The following DHRS12 variants were observed in gnomAD, a reference collection of about 807,000 sequenced individuals.
DHRS12 encodes dehydrogenase/reductase 12, also known as dehydrogenase/reductase SDR family member 12.
In DHRS12, 29 loss-of-function variants were observed where a neutral mutation model predicts 32.1. The ratio of observed to expected loss-of-function variants is 0.90; its 90% confidence interval spans 0.67 to 1.23. The LOEUF (loss-of-function observed/expected upper bound fraction) is 1.23, where lower values mean the gene tolerates loss of function less well. Ranked by LOEUF, DHRS12 falls within the 50% of genes most tolerant of loss-of-function variation. The pLI, the probability that DHRS12 is intolerant of heterozygous loss-of-function variation, is 0.00. For synonymous variants in DHRS12, 150 were observed against 135.9 expected (o/e 1.10, Z -0.72); for missense variants, 330 against 337.2 (o/e 0.98, Z 0.17).
At chr13:51,777,394 G>A (rs188990405) in intron 4 of DHRS12, 8 of 462,410 alleles carry the variant, frequency 1.7e-5, no homozygotes, top group Admixed American at 3.7e-5. Flanking sequence ...CTGCCAAACC[G>A]TAGATGGGTC....
At position 51,794,147 on chromosome 13, in the gene DHRS12, C is replaced by G. The variant is rs1050090885; in HGVS notation, c.127-2890G>C. Among the ~76,000 whole-genome samples the G allele has an allele frequency of 1.7e-4, 26 of 152,290 alleles. 1 individual carries two copies. The highest frequency in any genetic ancestry group is 1.6e-3 in the Admixed American group (25 of 15,302). On this transcript the variant is annotated intron_variant, in intron 2 of 8. Transcript: ENST00000444610. The stretch of plus-strand genomic sequence containing the variant: ...AAACAGGTGCATGTGTGTAAAAGTC[C>G]CAATCTGCGGAGCCACACAATGAGA...
At chr13:51,758,621 C>T in the DHRS12 span, among the ~76,000 whole-genome samples, 3 of 150,416 alleles carry the variant, frequency 2.0e-5, no homozygotes, top group Admixed American at 6.6e-5. Context: ...AAACCTGATA[C>T]ATGCACAGCC....
chr13:51,793,386 A>G (rs1031194970), intron 2 of DHRS12, among the ~76,000 whole-genome samples: 2 of 152,234 alleles, frequency 1.3e-5, no homozygotes, highest in Non-Finnish European at 2.9e-5. Context: ...AAAGCAGAGA[A>G]GTTCCGTGCC....
At chr13:51,770,671 C>T in intron 7 of DHRS12, 1 of 815,920 alleles carries the variant, frequency 1.2e-6, no homozygotes, top group Non-Finnish European at 1.5e-6. Context: ...GGACTAATTT[C>T]TGCCAAATCT....
At chr13:51,801,192 A>G (rs1006939244) in intron 1 of DHRS12, among the ~76,000 whole-genome samples, 1 of 152,122 alleles carries the variant, frequency 6.6e-6, no homozygotes, top group Non-Finnish European at 1.5e-5. Flanking sequence ...AGCAGCTGAC[A>G]TTATTATTTT....
At chr13:51,790,382 A>G (rs1214502489) in intron 3 of DHRS12, among the ~76,000 whole-genome samples, 1 of 152,208 alleles carries the variant, frequency 6.6e-6, no homozygotes, top group East Asian at 1.9e-4. Flanking sequence ...GTCCAATAGA[A>G]ATATCTAATC....
At chr13:51,774,131 G>T in intron 5 of DHRS12, 97 bp from the exon 6 acceptor site, 1 of 1,099,432 alleles carries the variant, frequency 9.1e-7, no homozygotes, top group African/African-American at 1.6e-5. Flanking sequence ...TGTGACCAAT[G>T]ACCACAAAAT....
At chr13:51,784,068 A>G (rs117179472) in intron 4 of DHRS12, among the ~76,000 whole-genome samples, 5,512 of 152,236 alleles carry the variant, frequency 0.036, 151 homozygotes, top group Middle Eastern at 0.054. Context: ...ACAGAATGGG[A>G]AAGTAAGGCG....
chr13:51,791,119 A>G, intron 3 of DHRS12, 46 bp downstream of exon 3: 5 of 1,362,328 alleles, frequency 3.7e-6, no homozygotes, highest in Non-Finnish European at 5.1e-6. Flanking sequence ...GACGGAAACA[A>G]TGGGCCAACA....
At chr13:51,769,553 A>G in intron 7 of DHRS12, among the ~76,000 whole-genome samples, 1 of 152,142 alleles carries the variant, frequency 6.6e-6, no homozygotes, top group Non-Finnish European at 1.5e-5. Context: ...ACCAGCACCC[A>G]GCCCAGCCCT....
chr13:51,774,304 CTACAG>C lies in DHRS12; in HGVS notation c.364-275_364-271del, dbSNP rs1412173080. The C allele has an allele frequency of 6.6e-5, 7 of 105,932 alleles. No homozygotes were observed. In the South Asian group the frequency reaches 1.5e-3, roughly 23 times the overall value. 6.6% of individuals were successfully genotyped at this position (105,932 alleles called of 1,614,324 possible). A position where few individuals can be genotyped will look rare whatever the true frequency, so the allele number is the denominator to read the frequency against. On this transcript the variant is annotated intron_variant, in intron 5 of 8. Transcript: ENST00000444610. ...ACAGTATTCTCCTACATGTATTCTCCTACAGTATTCTCCTACATGTATTCTCCTAC... is the reference window on the plus strand; with the variant it reads ...ACAGTATTCTCCTACATGTATTCTCCTATTCTCCTACATGTATTCTCCTAC...
chr13:51,770,311 G>A (rs1210096985), intron 7 of DHRS12, among the ~76,000 whole-genome samples: 1 of 152,206 alleles, frequency 6.6e-6, no homozygotes, highest in Non-Finnish European at 1.5e-5. Context: ...GCCACAGACA[G>A]GTTGTGTGCA....
At chr13:51,772,893 G>T in intron 6 of DHRS12, 1 of 985,470 alleles carries the variant, frequency 1.0e-6, no homozygotes, top group South Asian at 4.7e-5. Context: ...GGGTCAAGGA[G>T]CAAAACTGGG....
chr13:51,755,274 G>C, the DHRS12 span: 1 of 1,253,324 alleles, frequency 8.0e-7, no homozygotes, highest in Non-Finnish European at 1.2e-6. Flanking sequence ...CATCCTGATA[G>C]CTCCATAAGT....
downstream of DHRS12, chr13:51,764,801 A>AGAC: frequency 6.6e-6 from 1 of 152,420 alleles, no homozygotes; most frequent in Middle Eastern, 3.4e-3. Flanking sequence ...GAGGAGGTGG[A>AGAC]GACTATCAGT....
chr13:51,777,212 AC>A, intron 4 of DHRS12, 91 bp from the exon 5 acceptor site: 1 of 1,468,774 alleles, frequency 6.8e-7, no homozygotes, highest in Non-Finnish European at 9.5e-7. Flanking sequence ...GTCTGCCCGC[AC>A]CCGCCCCCCA....
chr13:51,771,577 G>C (rs1328449499), intron 7 of DHRS12: 2 of 1,564,614 alleles, frequency 1.3e-6, no homozygotes, highest in Admixed American at 1.8e-5. Context: ...AGGCGCACCT[G>C]CTCCCGTTCC....
At chr13:51,771,256 AGAG>A (rs781463237) in intron 7 of DHRS12, 1 of 1,552,184 alleles carries the variant, frequency 6.4e-7, no homozygotes, top group East Asian at 2.4e-5. Context: ...CCTTGTTTGT[AGAG>A]GAGGAAAGAG....
rs1408215560 is a variant in DHRS12, at chr13:51,782,172, G to A, written c.302-5051C>T. Among the ~76,000 whole-genome samples, 1 of 152,168 alleles carries A rather than the reference G, an allele frequency of 6.6e-6. No individual in the cohort carries two copies. The highest frequency in any genetic ancestry group is 2.4e-5 in the African/African-American group (1 of 41,442). The stretch of plus-strand genomic sequence containing the variant: ...AAGGCTTCAGTTTTGGACATGCTGA[G>A]TCTGAGGTGTTTGAGATCTGGACCT... On this transcript the variant is annotated intron_variant, in intron 4 of 8. Coordinates refer to ENST00000444610, the MANE Select transcript of DHRS12 (RefSeq NM_001377533.1). The surrounding 1 kb of genome is among the most constrained non-coding windows in gnomAD (Gnocchi z 4.2).
Sources: allele counts gnomAD v4.1 joint callset (sites outside exome capture counted in the v4.1 genomes callset), GRCh38; gene constraint gnomAD v4.1.1; non-coding constraint Gnocchi (gnomAD v3.1); transcripts MANE v1.5; gene names NCBI Gene and HGNC (gene_info 2026-07-23, HGNC 2026-07-21).